Variants in TMTC2 observed in about 807,000 individuals in gnomAD.
TMTC2 encodes transmembrane O-mannosyltransferase targeting cadherins 2.
TMTC2 carries 43 observed loss-of-function variants against 82.4 expected under a neutral mutation model. That is an observed-to-expected ratio of 0.52 (90% confidence interval 0.41 to 0.67). The LOEUF is 0.67. Ranked by LOEUF, TMTC2 falls within the 30% of genes least tolerant of loss-of-function variation. The pLI is 0.00. For synonymous variants in TMTC2, 408 were observed against 381.9 expected, an observed-to-expected ratio of 1.07 and a Z score of -0.80; for missense variants, 919 against 1,012.4, an observed-to-expected ratio of 0.91 and a Z score of 1.25.
intron 1 of TMTC2, among the ~76,000 whole-genome samples, chr12:82,744,229 C>T (rs1875564788): frequency 2.0e-5 from 3 of 152,110 alleles, no homozygotes; most frequent in Admixed American, 1.3e-4. Flanking sequence ...AGACCATTCT[C>T]GCCAACCAAC....
chr12:82,927,455 T>A (rs1044212341), intron 3 of TMTC2, among the ~76,000 whole-genome samples: 1 of 152,182 alleles, frequency 6.6e-6, no homozygotes, highest in Admixed American at 6.5e-5. Flanking sequence ...TGAGGTGCAG[T>A]CTACTCCTGG....
chr12:82,754,982 A>G (rs1262853079), intron 1 of TMTC2, among the ~76,000 whole-genome samples: 2 of 152,274 alleles, frequency 1.3e-5, no homozygotes, highest in African/African-American at 2.4e-5. Flanking sequence ...TTATTTTCCA[A>G]GTGCTATCTG....
At chr12:82,817,944 T>C (rs1338007900) in intron 1 of TMTC2, among the ~76,000 whole-genome samples, 1 of 152,122 alleles carries the variant, frequency 6.6e-6, no homozygotes, top group African/African-American at 2.4e-5. Flanking sequence ...ATCTCCTCTA[T>C]CTTGGGTGGC....
Position 82,904,047 on chromosome 12 carries a change from T to A in TMTC2, c.1483+7401T>A, listed in dbSNP as rs546663952. The stretch of plus-strand genomic sequence containing the variant: ...CAAAACTCTTCCAATCCAGGTTTCT[T>A]ATATTTTTTTCTGTTTATAAGATGT... On this transcript the variant is annotated intron_variant, in intron 3 of 11. Transcript: ENST00000321196. Among the ~76,000 whole-genome samples the A allele has an allele frequency of 1.4e-3, 211 of 152,280 alleles. 1 individual carries two copies. Among genetic ancestry groups the A allele is most frequent in the Non-Finnish European group, 2.4e-3 (162 of 68,022 alleles).
intron 7 of TMTC2, among the ~76,000 whole-genome samples, chr12:82,976,865 T>C (rs1386269373): frequency 1.3e-5 from 2 of 152,044 alleles, no homozygotes; most frequent in East Asian, 3.8e-4. Context: ...ATCTGGAAAT[T>C]TCTCTTCAAG....
At chr12:82,888,291 A>G (rs1873205902) in intron 2 of TMTC2, among the ~76,000 whole-genome samples, 1 of 152,326 alleles carries the variant, frequency 6.6e-6, no homozygotes, top group Non-Finnish European at 1.5e-5. Flanking sequence ...AGTTAGGAAA[A>G]TGTTCCTCCA....
At chr12:82,904,512 A>T (rs181955044) in intron 3 of TMTC2, among the ~76,000 whole-genome samples, 28 of 152,346 alleles carry the variant, frequency 1.8e-4, no homozygotes, top group African/African-American at 6.7e-4. Flanking sequence ...TATGTAAACC[A>T]CAAGTCCTGT....
intron 1 of TMTC2, chr12:82,690,385 C>G (rs1191809798): frequency 1.0e-6 from 1 of 985,418 alleles, no homozygotes; most frequent in Admixed American, 6.1e-5. Flanking sequence ...AGGGAGATGG[C>G]TGTTATTCCT....
chr12:82,802,099 G>T (rs946071199), intron 1 of TMTC2, among the ~76,000 whole-genome samples: 2 of 152,090 alleles, frequency 1.3e-5, no homozygotes, highest in Non-Finnish European at 2.9e-5. Flanking sequence ...GGTGGCGTTC[G>T]TGGGGGAGGC....
intron 1 of TMTC2, among the ~76,000 whole-genome samples, chr12:82,800,521 A>C (rs914502021): frequency 6.6e-6 from 1 of 152,168 alleles, no homozygotes; most frequent in African/African-American, 2.4e-5. Flanking sequence ...AGCAGGACTC[A>C]TATTTTTCTC....
Position 82,735,969 on chromosome 12 carries a change from TCACACACACACACA to T in TMTC2, c.83+48321_83+48334del, listed in dbSNP as rs148485109. Reference sequence around the variant, plus strand: ...GCCCAGGTGACAGTGCGAGACTCCGTCACACACACACACACACACACACACACACACACAATTAT... The same window carrying T: ...GCCCAGGTGACAGTGCGAGACTCCGTCACACACACACACACACACAATTAT... On this transcript the variant is annotated intron_variant, in intron 1 of 11. Transcript: ENST00000321196. Among the ~76,000 whole-genome samples the T allele has an allele frequency of 4.4e-4, 64 of 145,960 alleles. 1 individual carries two copies. The South Asian group carries it at 6.4e-3, about 15-fold the overall frequency.
chr12:83,075,096 A>T (rs556381940), intron 11 of TMTC2, among the ~76,000 whole-genome samples: 234 of 151,908 alleles, frequency 1.5e-3, no homozygotes, highest in African/African-American at 5.5e-3. Flanking sequence ...CTCTAAATTG[A>T]CTCAGTTCCA....
intron 10 of TMTC2, among the ~76,000 whole-genome samples, chr12:83,052,575 C>T (rs1004427834): frequency 6.6e-6 from 1 of 152,126 alleles, no homozygotes. Context: ...CCACAATAAA[C>T]AATTTGCAAG....
At chr12:83,055,765 A>T (rs557925054) in intron 10 of TMTC2, among the ~76,000 whole-genome samples, 1 of 151,558 alleles carries the variant, frequency 6.6e-6, no homozygotes, top group South Asian at 2.1e-4. Flanking sequence ...TTACAGGGTA[A>T]GGGATAAAAG....
chr12:82,985,910 T>C lies in TMTC2; in HGVS notation c.1949-15T>C, dbSNP rs752364320. 3 of 1,611,216 alleles carry C rather than the reference T, an allele frequency of 1.9e-6. No individual in the cohort carries two copies. The highest frequency in any genetic ancestry group is 1.1e-5 in the South Asian group (1 of 90,954). ...GTATCCTCCCTTTGACCTTCATGAT[T>C]AATTCTCTTTCCAGGTGAAGCATAT... On this transcript the variant is annotated splice_polypyrimidine_tract_variant and intron_variant, in intron 7 of 11. Transcript: ENST00000321196.
At chr12:82,917,218 C>G (rs1875048455) in intron 3 of TMTC2, among the ~76,000 whole-genome samples, 1 of 152,134 alleles carries the variant, frequency 6.6e-6, no homozygotes, top group African/African-American at 2.4e-5. Flanking sequence ...GTTTTCAGTT[C>G]CATGCAGTTA....
At chr12:82,723,611 A>T (rs146204888) in intron 1 of TMTC2, among the ~76,000 whole-genome samples, 269 of 152,292 alleles carry the variant, frequency 1.8e-3, no homozygotes, top group African/African-American at 5.7e-3. Context: ...AATAAACTGT[A>T]CCTGCATTTT....
intron 4 of TMTC2, among the ~76,000 whole-genome samples, chr12:82,964,747 A>C (rs1452822873): frequency 1.3e-5 from 2 of 152,144 alleles, no homozygotes; most frequent in African/African-American, 2.4e-5. Context: ...TGGGAGAGAA[A>C]AGACAGCTAG....
chr12:83,033,192 A>G (rs1367365576), intron 9 of TMTC2, among the ~76,000 whole-genome samples: 3 of 152,202 alleles, frequency 2.0e-5, no homozygotes, highest in Admixed American at 6.5e-5. Context: ...AGAAGGCCAT[A>G]ATTGAGTGCG....
Sources: gnomAD v4.1 joint callset for allele counts (sites outside exome capture counted in the v4.1 genomes callset) on GRCh38, gnomAD v4.1.1 for gene constraint, MANE v1.5 for transcripts, NCBI Gene and HGNC (gene_info 2026-07-23, HGNC 2026-07-21) for gene names.